The following RBSN variants were observed in gnomAD, a reference collection of about 807,000 sequenced individuals.
The protein encoded by RBSN is rabenosyn, RAB effector, also known as rabenosyn-5.
In RBSN, 34 loss-of-function variants were observed where a neutral mutation model predicts 60.5. The observed-to-expected ratio is 0.56, with a 90% CI of 0.43 to 0.75. The LOEUF is 0.75. RBSN is among the 30% of genes least tolerant of loss of function. RBSN has a pLI of 0.00. For synonymous variants in RBSN, 322 were observed against 366.9 expected, an observed-to-expected ratio of 0.88 and a Z score of 1.40; for missense variants, 845 against 986.8, an observed-to-expected ratio of 0.86 and a Z score of 1.92.
intron 5 of RBSN, 113 bp from the exon 6 acceptor site, chr3:15,086,074 G>T: frequency 2.5e-6 from 1 of 393,720 alleles, no homozygotes; most frequent in East Asian, 4.2e-5. Context: ...TCAACATAGC[G>T]AGACCCCGTC....
rs2043447184 is a variant in RBSN, at chr3:15,089,479, A to AAAAAAAAAAAAAC, written c.289+919_289+920insGTTTTTTTTTTTT. ...TCCAAAAAAAAAAAAAAAAAAAAAC[A>AAAAAAAAAAAAAC]AAAAAAAAAAACAGATATGTAAGAT... On this transcript the variant is annotated intron_variant, in intron 5 of 13. Coordinates refer to ENST00000253699, the MANE Select transcript of RBSN (RefSeq NM_022340.4). 4.5e-4 allele frequency among the ~76,000 whole-genome samples: 47 copies of AAAAAAAAAAAAAC among 104,016 alleles called. 2 individuals carry two copies. The highest frequency in any genetic ancestry group is 6.6e-4 in the African/African-American group (10 of 15,052). 68.2% of individuals were successfully genotyped at this position (104,016 alleles called of 152,430 possible).
chr3:15,098,432 C>T (rs1405819584), intron 1 of RBSN, among the ~76,000 whole-genome samples, 158 bp from the exon 2 acceptor site: 3 of 147,648 alleles, frequency 2.0e-5, no homozygotes, highest in Admixed American at 1.4e-4. Context: ...GCAAGCCCCT[C>T]GCACTCTAAA....
At chr3:15,081,890 G>A (rs1021902622) in intron 9 of RBSN, among the ~76,000 whole-genome samples, 2 of 152,144 alleles carry the variant, frequency 1.3e-5, no homozygotes, top group Non-Finnish European at 2.9e-5. Flanking sequence ...CTCAAGTAAC[G>A]ACAGCTGAGG....
Position 15,082,369 on chromosome 3 carries a change from C to T in RBSN, c.838G>A (p.Glu280Lys), listed in dbSNP as rs367971019. The change falls in exon 9 of 14, where the codon GAG becomes AAG. Residue 280 changes from glutamate to lysine, a missense_variant and splice_region_variant. Physicochemically the swap from Glu to Lys is moderately conservative, Grantham distance 56 (BLOSUM62 1). Coordinates refer to ENST00000253699, the MANE Select transcript of RBSN (RefSeq NM_022340.4). This position sits in a 1 kb window ranked among gnomAD's most constrained non-coding sequence, Gnocchi z 4.2. ...EHTPDIVKLYEKLRLCMEKVD... is the reference protein window; with the variant it reads ...EHTPDIVKLYKKLRLCMEKVD... The stretch of plus-strand genomic sequence containing the variant: ...CAAGACCAGACAGCGCGAATCACCT[C>T]GTAGAGCTTCACGATGTCAGGTGTG... 22 of 1,611,986 alleles carry T rather than the reference C, an allele frequency of 1.4e-5. No individual in the cohort carries two copies. Among genetic ancestry groups the T allele is most frequent in the African/African-American group, 2.7e-5 (2 of 74,886 alleles).
chr3:15,089,456 CAAAAA>C (rs757156425), intron 5 of RBSN, among the ~76,000 whole-genome samples: 1 of 31,464 alleles, frequency 3.2e-5, no homozygotes, highest in Non-Finnish European at 6.2e-5. Flanking sequence ...ACTCCATCTC[CAAAAA>C]AAAAAAAAAA....
chr3:15,084,232 C>T lies in RBSN; in HGVS notation c.598+503G>A, dbSNP rs1416650279. On this transcript the variant is annotated intron_variant, in intron 8 of 13. Coordinates refer to ENST00000253699, the MANE Select transcript of RBSN (RefSeq NM_022340.4). The surrounding 1 kb of genome is among the most constrained non-coding windows in gnomAD (Gnocchi z 4.2). ...CTCCCAGGTTCAAGCAATTCTCCTG[C>T]CTCAGCCTCCTGAGTAGCTAGGACT... is the stretch of plus-strand genomic sequence containing the variant. Among the ~76,000 whole-genome samples, 2 of 152,196 alleles carry T rather than the reference C, an allele frequency of 1.3e-5. No individual in the cohort carries two copies. Among genetic ancestry groups the T allele is most frequent in the African/African-American group, 4.8e-5 (2 of 41,452 alleles).
chr3:15,092,972 G>A (rs2043556012), intron 4 of RBSN, among the ~76,000 whole-genome samples: 1 of 152,106 alleles, frequency 6.6e-6, no homozygotes, highest in Non-Finnish European at 1.5e-5. Flanking sequence ...CACTAACAAA[G>A]CAAGAAGCCA....
At chr3:15,078,821 T>C (rs1405544371) in intron 10 of RBSN, among the ~76,000 whole-genome samples, 25 of 112,882 alleles carry the variant, frequency 2.2e-4, no homozygotes, top group Admixed American at 8.4e-4. Flanking sequence ...TATATATATA[T>C]ATACATGGTT....
intron 8 of RBSN, among the ~76,000 whole-genome samples, chr3:15,083,322 AAAG>A (rs1383167525): frequency 6.6e-6 from 1 of 152,230 alleles, no homozygotes; most frequent in Non-Finnish European, 1.5e-5. Context: ...TGAGAGTTGG[AAAG>A]AAGAAGCATC....
intron 6 of RBSN, among the ~76,000 whole-genome samples, chr3:15,085,569 C>T (rs1319156544): frequency 6.6e-6 from 1 of 152,114 alleles, no homozygotes; most frequent in Non-Finnish European, 1.5e-5. Flanking sequence ...GCCTGGGACA[C>T]CCAAAAGAAG....
chr3:15,088,036 T>C (rs111842101), intron 5 of RBSN, among the ~76,000 whole-genome samples: 6 of 152,250 alleles, frequency 3.9e-5, no homozygotes, highest in Admixed American at 6.5e-5. Flanking sequence ...CTGCTAAAAT[T>C]TGCCATTCAT....
intron 1 of RBSN, among the ~76,000 whole-genome samples, chr3:15,098,661 C>T (rs1240309606): frequency 6.6e-6 from 1 of 152,014 alleles, no homozygotes; most frequent in Non-Finnish European, 1.5e-5. Flanking sequence ...GACTCAATCC[C>T]GTGAAGCAGA....
In RBSN at chr3:15,078,779, CATATATATATATATATATATATATATAT is replaced by C. The variant is rs57572763; in HGVS notation, c.912-646_912-619del. Among the ~76,000 whole-genome samples the C allele has an allele frequency of 1.3e-3, 68 of 50,688 alleles. 4 individuals are homozygous for C. The highest frequency in any genetic ancestry group is 1.0e-3 in the East Asian group (2 of 1,956). 33.3% of individuals were successfully genotyped at this position (50,688 alleles called of 152,430 possible). A position where few individuals can be genotyped will look rare whatever the true frequency, so the allele number is the denominator to read the frequency against. ...GGTCTCAAAAAAAAAAAAAAAAATA[CATATATATATATATATATATATATATAT>C]ATATATATATATATATACATGGTTT... On this transcript the variant is annotated intron_variant, in intron 10 of 13. Transcript: ENST00000253699.
chr3:15,079,069 C>T (rs1049309111), intron 10 of RBSN, among the ~76,000 whole-genome samples: 1 of 151,888 alleles, frequency 6.6e-6, no homozygotes, highest in African/African-American at 2.4e-5. Context: ...CACTAAGCTT[C>T]AGAAAAAGCA....
chr3:15,071,819 GCTAGTTACACGGCATAAAGTGA>G lies in RBSN; in HGVS notation c.*1941_*1962del. The G allele has an allele frequency of 6.5e-6, 1 of 152,762 alleles. No homozygotes were observed. The highest frequency in any genetic ancestry group is 6.5e-5 in the Admixed American group (1 of 15,300). The allele number at this position is 152,762 out of a possible 1,614,324, so 9.5% of individuals were successfully genotyped here. A position where few individuals can be genotyped will look rare whatever the true frequency, so the allele number is the denominator to read the frequency against. On this transcript the variant is annotated 3_prime_UTR_variant, in exon 14 of 14. Transcript: ENST00000253699. ...GTAACCAGTGAAAGTATGGCCTAGA[GCTAGTTACACGGCATAAAGTGA>G]CTAGTGGTCAGTTATTGTTCATTAG... is the stretch of plus-strand genomic sequence containing the variant.
intron 4 of RBSN, among the ~76,000 whole-genome samples, chr3:15,090,771 C>G (rs947027736): frequency 1.3e-5 from 2 of 152,098 alleles, no homozygotes; most frequent in African/African-American, 4.8e-5. Context: ...GTTTAGGCGG[C>G]CAACATATGG....
rs1221719258 is a variant in RBSN at position 15,084,266 on chromosome 3, A to T, written c.598+469T>A. On this transcript the variant is annotated intron_variant, in intron 8 of 13. Transcript: ENST00000253699. The surrounding 1 kb of genome is among the most constrained non-coding windows in gnomAD (Gnocchi z 4.2). ...CCTGAGTAGCTAGGACTACAGGCACATGCCACCACGCCAGGCTAATTTTTG... is the reference window on the plus strand; with the variant it reads ...CCTGAGTAGCTAGGACTACAGGCACTTGCCACCACGCCAGGCTAATTTTTG... 6.6e-6 allele frequency among the ~76,000 whole-genome samples: 1 copy of T among 152,112 alleles called. No homozygotes were observed. Among genetic ancestry groups the T allele is most frequent in the Non-Finnish European group, 1.5e-5 (1 of 68,014 alleles).
chr3:15,076,233 A>C (rs1378145081), intron 12 of RBSN, among the ~76,000 whole-genome samples: 3 of 152,188 alleles, frequency 2.0e-5, no homozygotes, highest in African/African-American at 4.8e-5. Flanking sequence ...TAGAGTCACT[A>C]ATCAAAGTGA....
chr3:15,093,506 C>T (rs750805710), intron 4 of RBSN, among the ~76,000 whole-genome samples: 8 of 152,148 alleles, frequency 5.3e-5, no homozygotes, highest in Non-Finnish European at 1.2e-4. Context: ...ATCCTCCCAC[C>T]TCAGCCTCCT....
Sources: gnomAD v4.1 joint callset for allele counts (sites outside exome capture counted in the v4.1 genomes callset) on GRCh38, gnomAD v4.1.1 for gene constraint, Gnocchi (gnomAD v3.1) non-coding constraint, MANE v1.5 for transcripts, NCBI Gene and HGNC (gene_info 2026-07-23, HGNC 2026-07-21) for gene names.